Variants in CDH13 observed in about 807,000 individuals in gnomAD.
CDH13 encodes the protein cadherin 13, also known as cadherin-13.
A neutral mutation model predicts 63.8 loss-of-function variants in CDH13; 24 were observed. The observed-to-expected ratio is 0.38, with a 90% CI of 0.27 to 0.53. CDH13 has a LOEUF of 0.53. CDH13 is among the 20% of genes least tolerant of loss of function. The probability of loss-of-function intolerance (pLI) is 0.85; values close to 1 mark genes in which losing one functional copy is unlikely to be tolerated. For synonymous variants in CDH13, 503 were observed against 355.3 expected (o/e 1.42, Z -4.67); for missense variants, 1,049 against 903.1 (o/e 1.16, Z -2.07).
intron 2 of CDH13, among the ~76,000 whole-genome samples, chr16:82,911,255 A>G (rs577643365): frequency 2.6e-5 from 4 of 152,232 alleles, no homozygotes; most frequent in South Asian, 2.1e-4. Flanking sequence ...TGTGAAAAAG[A>G]AACTTCTGCA....
At chr16:83,656,338 G>T (rs943050966) in intron 8 of CDH13, among the ~76,000 whole-genome samples, 1 of 152,172 alleles carries the variant, frequency 6.6e-6, no homozygotes, top group African/African-American at 2.4e-5. Context: ...ATTTGTTTTG[G>T]TGGAGTCGGG....
intron 2 of CDH13, among the ~76,000 whole-genome samples, chr16:82,942,707 C>G (rs34863170): frequency 0.36 from 55,161 of 151,984 alleles, 14,388 homozygotes; most frequent in African/African-American, 0.75. Context: ...AAGAAGAAGT[C>G]AAATAACCTC....
At chr16:83,149,199 C>T (rs2036872479) in intron 4 of CDH13, among the ~76,000 whole-genome samples, 1 of 152,196 alleles carries the variant, frequency 6.6e-6, no homozygotes, top group South Asian at 2.1e-4. Flanking sequence ...CCTGTAGCTT[C>T]ATAGTAAATC....
chr16:83,071,751 A>G (rs1251385809), intron 3 of CDH13, among the ~76,000 whole-genome samples: 2 of 152,230 alleles, frequency 1.3e-5, no homozygotes, highest in Non-Finnish European at 2.9e-5. Flanking sequence ...TTGAATAAAC[A>G]TTTAAAAATA....
intron 2 of CDH13, among the ~76,000 whole-genome samples, chr16:82,930,693 C>T (rs1235268829): frequency 6.6e-6 from 1 of 152,020 alleles, no homozygotes; most frequent in Non-Finnish European, 1.5e-5. Context: ...TAGTTATGCC[C>T]TCAGATAAAT....
At chr16:82,813,087 G>A (rs1251899706) in intron 1 of CDH13, among the ~76,000 whole-genome samples, 1 of 152,166 alleles carries the variant, frequency 6.6e-6, no homozygotes, top group Admixed American at 6.5e-5. Flanking sequence ...TTAGAGAAGA[G>A]CCTTTTCTGG....
intron 2 of CDH13, chr16:82,954,147 G>A (rs1405846160): frequency 6.6e-6 from 1 of 152,214 alleles, no homozygotes; most frequent in Admixed American, 6.5e-5. Context: ...GGGCACCTGG[G>A]ATGCCACCCC....
intron 5 of CDH13, among the ~76,000 whole-genome samples, chr16:83,231,898 T>G (rs1382659139): frequency 6.6e-6 from 1 of 152,180 alleles, no homozygotes; most frequent in Non-Finnish European, 1.5e-5. Flanking sequence ...GTCATCCCCT[T>G]GGCGACCGAG....
chr16:83,434,565 C>G (rs1275625090), intron 6 of CDH13, among the ~76,000 whole-genome samples: 1 of 152,122 alleles, frequency 6.6e-6, no homozygotes, highest in South Asian at 2.1e-4. Flanking sequence ...TCCACTCCCT[C>G]CATCTCAAAC....
At chr16:82,768,986 C>G (rs756016426) in intron 1 of CDH13, among the ~76,000 whole-genome samples, 2 of 152,142 alleles carry the variant, frequency 1.3e-5, no homozygotes, top group Non-Finnish European at 2.9e-5. Context: ...TGGCATCTCT[C>G]TGATTAAAAA....
At chr16:83,121,021 C>G (rs1345903948) in intron 3 of CDH13, among the ~76,000 whole-genome samples, 1 of 152,168 alleles carries the variant, frequency 6.6e-6, no homozygotes, top group Admixed American at 6.5e-5. Context: ...CTCGGCCTCC[C>G]AAAGTGCTGG....
chr16:83,403,295 G>T (rs1460310250), intron 6 of CDH13, among the ~76,000 whole-genome samples: 1 of 152,098 alleles, frequency 6.6e-6, no homozygotes, highest in African/African-American at 2.4e-5. Flanking sequence ...TGGAAGTCAC[G>T]ACCTTGAAAT....
rs116753371 is a variant in CDH13, at chr16:83,431,633, C to T, written c.782-54844C>T. 4.9e-3 allele frequency among the ~76,000 whole-genome samples: 742 copies of T among 151,996 alleles called. 7 individuals are homozygous for T. The highest frequency in any genetic ancestry group is 0.017 in the African/African-American group (695 of 41,448). On this transcript the variant is annotated intron_variant, in intron 6 of 13. Transcript: ENST00000567109. ...GCCTCAGGAAGCTTCCAATCATGCA[C>T]GAAGAGAAAGGAGGAATGAGGTATC...
intron 4 of CDH13, among the ~76,000 whole-genome samples, chr16:83,159,872 C>T (rs1477355607): frequency 6.6e-6 from 1 of 151,954 alleles, no homozygotes; most frequent in African/African-American, 2.4e-5. Context: ...GCCAGGAGTT[C>T]AAGACCAGCC....
chr16:83,350,323 AG>A (rs1378595379), intron 6 of CDH13, among the ~76,000 whole-genome samples: 13 of 152,214 alleles, frequency 8.5e-5, no homozygotes, highest in African/African-American at 3.1e-4. Flanking sequence ...AGGTGGTGAG[AG>A]GTCACAGAAG....
chr16:82,718,332 A>T (rs1351405777), intron 1 of CDH13, among the ~76,000 whole-genome samples: 1 of 152,172 alleles, frequency 6.6e-6, no homozygotes, highest in Non-Finnish European at 1.5e-5. Context: ...ATTCCCAGTA[A>T]GCAGCCTCTG....
chr16:83,252,729 G>A (rs1905729620), intron 5 of CDH13, among the ~76,000 whole-genome samples: 1 of 152,046 alleles, frequency 6.6e-6, no homozygotes, highest in Non-Finnish European at 1.5e-5. Context: ...GACTAGGGAG[G>A]AGTGCGCCTG....
chr16:83,524,747 C>T (rs949449178), intron 7 of CDH13, among the ~76,000 whole-genome samples: 21 of 152,214 alleles, frequency 1.4e-4, no homozygotes, highest in Middle Eastern at 3.4e-3. Flanking sequence ...CCACCTCGCC[C>T]GGCCAAATTG....
intron 10 of CDH13, chr16:83,710,362 C>G (rs1490428469): frequency 6.6e-6 from 1 of 152,228 alleles, no homozygotes; most frequent in African/African-American, 2.4e-5. Flanking sequence ...GAGGCTTTCC[C>G]TGACTGCAAG....
Sources: allele counts gnomAD v4.1 joint callset (sites outside exome capture counted in the v4.1 genomes callset), GRCh38; gene constraint gnomAD v4.1.1; transcripts MANE v1.5; gene names NCBI Gene and HGNC (gene_info 2026-07-23, HGNC 2026-07-21).